The following RAD52 variants were observed in gnomAD, a reference collection of about 807,000 sequenced individuals.
The protein encoded by RAD52 is DNA repair protein RAD52 homolog.
Under a neutral mutation model 55.5 loss-of-function variants are expected in RAD52, and 47 were observed. That is an observed-to-expected ratio of 0.85 (90% CI 0.67 to 1.08). The LOEUF is 1.08. Among genes scored for constraint, RAD52 ranks in the 50% least tolerant of loss-of-function variants. The pLI is 0.00. For missense variants in RAD52, 468 were observed against 522.8 expected (o/e 0.90, Z 1.02); for synonymous variants, 184 against 198.9 (o/e 0.92, Z 0.63).
chr12:934,658 G>A (rs1387125496), intron 1 of RAD52, among the ~76,000 whole-genome samples: 3 of 152,094 alleles, frequency 2.0e-5, no homozygotes, highest in Non-Finnish European at 4.4e-5. Context: ...TAACTGGGAG[G>A]TGGTGGATAT....
At chr12:921,364 TG>T (rs1393753646) in intron 7 of RAD52, among the ~76,000 whole-genome samples, 2 of 152,178 alleles carry the variant, frequency 1.3e-5, no homozygotes, top group Admixed American at 6.5e-5. Context: ...CCCAGCATTT[TG>T]GGAGGCCAAG....
At chr12:914,637 G>A in intron 9 of RAD52, 105 bp from the exon 10 acceptor site, 3 of 1,355,570 alleles carry the variant, frequency 2.2e-6, no homozygotes, top group Admixed American at 2.3e-5. Context: ...ACTCTCCGAA[G>A]CACAACACCG....
rs1338174775 is a variant in RAD52, at chr12:959,195, A to G, written c.-18-26119T>C. ...AAGGATTCTAAGAACCGGCACTAGTATCATCTCTATTTCACAGTTAGAAAA... is the reference window on the plus strand; with the variant it reads ...AAGGATTCTAAGAACCGGCACTAGTGTCATCTCTATTTCACAGTTAGAAAA... On this transcript the variant is annotated intron_variant, in intron 1 of 11. Transcript: ENST00000430095. Among the ~76,000 whole-genome samples the G allele has an allele frequency of 2.0e-5, 3 of 152,342 alleles. No homozygotes were observed. In the East Asian group the frequency reaches 5.8e-4, roughly 29 times the overall value.
intron 1 of RAD52, among the ~76,000 whole-genome samples, chr12:937,999 C>T (rs909585758): frequency 3.3e-5 from 5 of 152,150 alleles, no homozygotes; most frequent in African/African-American, 1.2e-4. Context: ...CCCGTGGCAA[C>T]AGGCTTGAAA....
intron 2 of RAD52, among the ~76,000 whole-genome samples, chr12:931,797 G>A (rs1469496379): frequency 3.3e-5 from 5 of 152,152 alleles, no homozygotes; most frequent in Non-Finnish European, 5.9e-5. Flanking sequence ...GAAAGAGCAC[G>A]GGGGTAGGAA....
intron 1 of RAD52, among the ~76,000 whole-genome samples, chr12:945,938 G>A (rs1055702375): frequency 6.6e-6 from 1 of 151,758 alleles, no homozygotes; most frequent in Non-Finnish European, 1.5e-5. Context: ...CAGGAGAATC[G>A]CTTGAACCTG....
intron 11 of RAD52, 101 bp downstream of exon 11, chr12:913,793 T>A: frequency 8.9e-7 from 1 of 1,121,038 alleles, no homozygotes; most frequent in African/African-American, 1.6e-5. Context: ...AAGTTCCCGA[T>A]TCTATCAAAC....
intron 1 of RAD52, among the ~76,000 whole-genome samples, chr12:981,211 T>C (rs1173935264): frequency 8.7e-5 from 13 of 149,956 alleles, no homozygotes. Flanking sequence ...CAAGTGGCTG[T>C]AGTCCCAGCT....
At chr12:947,023 G>T (rs1028882281) in intron 1 of RAD52, among the ~76,000 whole-genome samples, 1 of 152,220 alleles carries the variant, frequency 6.6e-6, no homozygotes, top group Non-Finnish European at 1.5e-5. Context: ...ACTGAGAATA[G>T]AACACTTTAA....
rs1482303770 is a variant in RAD52, at chr12:914,020, T to G, written c.1069A>C (p.Thr357Pro). Residue 357 changes from threonine (T) to proline (P), a missense_variant, in exon 11 of 12, where the codon ACA (threonine) becomes CCA (proline). Thr to Pro is a conservative substitution (Grantham distance 38). Transcript: ENST00000358495. ...SRADPAQTSD[T>P]LALNNQMVTQ... ...ACCATCTGGTTGTTCAAGGCTAATG[T>G]GTCAGAGGTCTGGGCTGGGTCTGCT... is the stretch of plus-strand genomic sequence containing the variant. The G allele has an allele frequency of 1.2e-6, 2 of 1,614,170 alleles. No homozygotes were observed. Among genetic ancestry groups the G allele is most frequent in the East Asian group, 2.2e-5 (1 of 44,882 alleles).
chr12:983,715 C>T (rs766845605), intron 1 of RAD52, among the ~76,000 whole-genome samples: 11 of 152,160 alleles, frequency 7.2e-5, no homozygotes, highest in South Asian at 2.1e-4. Context: ...CCACCGCACG[C>T]GGCCGGCTGC....
At chr12:941,031 C>T (rs987065190) in intron 1 of RAD52, among the ~76,000 whole-genome samples, 28 of 151,896 alleles carry the variant, frequency 1.8e-4, no homozygotes, top group African/African-American at 6.5e-4. Flanking sequence ...CCAAATTGGC[C>T]GACAGACATA....
At chr12:987,063 C>T (rs1214548500) in intron 1 of RAD52, among the ~76,000 whole-genome samples, 1 of 151,658 alleles carries the variant, frequency 6.6e-6, no homozygotes, top group Non-Finnish European at 1.5e-5. Context: ...CTCTGCCTCC[C>T]GGATTCAAGC....
chr12:926,999 G>A lies in RAD52; in HGVS notation c.467+146C>T, dbSNP rs56224836. 6.3e-4 allele frequency: 990 copies of A among 1,564,774 alleles called. 9 individuals carry two copies. In the African/African-American group the frequency reaches 0.011, roughly 18 times the overall value. ...AACGAAAGTGGGAAAACGGCAGACA[G>A]GAACCAGGGCAGGGGTGAGAATTAC... On this transcript the variant is annotated intron_variant, in intron 6 of 11. Transcript: ENST00000358495.
chr12:976,019 G>C (rs1025670590), intron 1 of RAD52: 1 of 152,148 alleles, frequency 6.6e-6, no homozygotes. Flanking sequence ...ATGTTGTAGT[G>C]GATTAAAGAC....
At chr12:965,567 G>A in intron 1 of RAD52, among the ~76,000 whole-genome samples, 1 of 151,978 alleles carries the variant, frequency 6.6e-6, no homozygotes, top group East Asian at 1.9e-4. Flanking sequence ...CCCAGTATTA[G>A]CTGCCCTGAT....
At chr12:964,956 C>T (rs112854788) in intron 1 of RAD52, among the ~76,000 whole-genome samples, 8 of 22,516 alleles carry the variant, frequency 3.6e-4, no homozygotes, top group African/African-American at 5.0e-4. Context: ...TTTGCCTGCC[C>T]GCCTGCCTGC....
At chr12:934,124 A>C (rs1957486509) in intron 1 of RAD52, among the ~76,000 whole-genome samples, 6 of 151,158 alleles carry the variant, frequency 4.0e-5, no homozygotes, top group African/African-American at 7.3e-5. Context: ...AAAAACAAAA[A>C]AAAAGGCAGG....
intron 5 of RAD52, among the ~76,000 whole-genome samples, chr12:928,551 T>C (rs1375455703): frequency 2.6e-5 from 4 of 151,914 alleles, no homozygotes; most frequent in Admixed American, 2.0e-4. Context: ...TATTCAGTTA[T>C]GGATATATGG....
Sources: gnomAD v4.1 joint callset for allele counts (sites outside exome capture counted in the v4.1 genomes callset) on GRCh38, gnomAD v4.1.1 for gene constraint, MANE v1.5 for transcripts, NCBI Gene and HGNC (gene_info 2026-07-23, HGNC 2026-07-21) for gene names.